Variants in SHANK1 observed in about 807,000 individuals in gnomAD.
SHANK1 encodes the protein SH3 and multiple ankyrin repeat domains protein 1.
Under a neutral mutation model 165.6 loss-of-function variants are expected in SHANK1, and 35 were observed. That is an observed-to-expected ratio of 0.21 (90% CI 0.16 to 0.28). The LOEUF (loss-of-function observed/expected upper bound fraction) is 0.28, where lower values mean the gene tolerates loss of function less well. Ranked by LOEUF, SHANK1 falls within the 10% of genes least tolerant of loss-of-function variation. The pLI is 1.00. For synonymous variants in SHANK1, 1,428 were observed against 1,384.8 expected (o/e 1.03, Z -0.69); for missense variants, 2,681 against 3,036.4 (o/e 0.88, Z 2.75).
Position 50,688,053 on chromosome 19 carries a change from G to A in SHANK1, c.2178C>T (p.Asn726=), listed in dbSNP as rs770675711. ...GGCCGACCTTCACCACATTCTGCCC[G>A]TTCACCTGTGGCACAGACACCCCCA... The part of the protein sequence containing the change: ...LRMGDFLIEV[N]GQNVVKVGHR... Residue 726 remains asparagine (N), a synonymous_variant, in exon 18 of 24, where the codon AAC becomes AAT. Transcript: ENST00000293441. This position sits in a 1 kb window ranked among gnomAD's most constrained non-coding sequence, Gnocchi z 6.7. 36 of 1,613,820 alleles carry A rather than the reference G, an allele frequency of 2.2e-5. No homozygotes were observed. Among genetic ancestry groups the A allele is most frequent in the Middle Eastern group, 1.6e-4 (1 of 6,082 alleles).
Position 50,713,782 on chromosome 19 carries a change from G to A in SHANK1, c.792+16C>T, listed in dbSNP as rs775859815. On this transcript the variant is annotated intron_variant, in intron 6 of 23. Transcript: ENST00000293441. This position sits in a 1 kb window ranked among gnomAD's most constrained non-coding sequence, Gnocchi z 6.2. ...GAGGGCCCCATGGCGGGGATGGGGG[G>A]TCCCCGAAGCCTCACCGTGAGTGCC... 6.2e-6 allele frequency: 10 copies of A among 1,610,812 alleles called. No individual in the cohort carries two copies. Among genetic ancestry groups the A allele is most frequent in the African/African-American group, 1.3e-5 (1 of 74,812 alleles).
rs928518446 is a variant in SHANK1, at chr19:50,666,515, C to T, written c.5445G>A (p.Pro1815=). The T allele has an allele frequency of 1.0e-5, 16 of 1,583,488 alleles. No homozygotes were observed. Among genetic ancestry groups the T allele is most frequent in the South Asian group, 2.3e-5 (2 of 88,268 alleles). ...GPPTAGVAGG[P]VAVEPEVPPV... is the part of the protein sequence containing the mutation. Reference sequence around the variant, plus strand: ...GTGGGACTTCTGGCTCTACAGCCACCGGACCCCCCGCCACGCCTGCCGTGG... The same window carrying T: ...GTGGGACTTCTGGCTCTACAGCCACTGGACCCCCCGCCACGCCTGCCGTGG... Residue 1815 remains proline, a synonymous_variant, in exon 23 of 24, where the codon CCG becomes CCA. Coordinates refer to ENST00000293441, the MANE Select transcript of SHANK1 (RefSeq NM_016148.5).
chr19:50,713,199 A>G lies in SHANK1; in HGVS notation c.792+599T>C, dbSNP rs966315749. 2.6e-5 allele frequency among the ~76,000 whole-genome samples: 4 copies of G among 152,142 alleles called. No individual in the cohort carries two copies. The highest frequency in any genetic ancestry group is 5.9e-5 in the Non-Finnish European group (4 of 68,016). Reference sequence around the variant, plus strand: ...CCTGACCCTCATGTGAAGAGCAATCAGGTGTCCTGGCGGGGGCAGGGGGAG... The same window carrying G: ...CCTGACCCTCATGTGAAGAGCAATCGGGTGTCCTGGCGGGGGCAGGGGGAG... On this transcript the variant is annotated intron_variant, in intron 6 of 23. Transcript: ENST00000293441. This position sits in a 1 kb window ranked among gnomAD's most constrained non-coding sequence, Gnocchi z 6.2.
chr19:50,704,817 TAA>T (rs1172921140), intron 8 of SHANK1, among the ~76,000 whole-genome samples: 1 of 150,568 alleles, frequency 6.6e-6, no homozygotes, highest in Non-Finnish European at 1.5e-5. Flanking sequence ...CCTGTAATCC[TAA>T]GACTGTGGGA....
intron 8 of SHANK1, chr19:50,711,117 A>G (rs2089003163): frequency 2.0e-6 from 1 of 489,856 alleles, no homozygotes; most frequent in African/African-American, 1.9e-5. Context: ...CTAGGCCATG[A>G]GCTCAACACT....
intron 21 of SHANK1, among the ~76,000 whole-genome samples, chr19:50,684,087 G>A (rs996410938): frequency 9.8e-5 from 15 of 152,310 alleles, no homozygotes; most frequent in African/African-American, 3.6e-4. Flanking sequence ...CTTAAAGCTG[G>A]TTGTGAAGAA....
At chr19:50,665,836 C>T (rs1308583785) in intron 23 of SHANK1, among the ~76,000 whole-genome samples, 2 of 150,036 alleles carry the variant, frequency 1.3e-5, no homozygotes, top group Non-Finnish European at 3.0e-5. Flanking sequence ...GAGTTCGAGA[C>T]CAGCCTGACC....
chr19:50,714,690 CAAA>C lies in SHANK1; in HGVS notation c.532-403_532-401del, dbSNP rs67938945. On this transcript the variant is annotated intron_variant, in intron 4 of 23. Transcript: ENST00000293441. The stretch of plus-strand genomic sequence containing the variant: ...CGGGTGACAGAGCAAGACCCCGTCT[CAAA>C]AAAAAAAAAAAAAAAAATCAGGGTG... 5.3e-3 allele frequency among the ~76,000 whole-genome samples: 551 copies of C among 103,070 alleles called. 4 individuals are homozygous for C. The highest frequency in any genetic ancestry group is 0.018 in the African/African-American group (525 of 29,490). 67.6% of individuals were successfully genotyped at this position (103,070 alleles called of 152,430 possible).
In SHANK1 at chr19:50,662,230, C is replaced by G. The variant is rs759453731; in HGVS notation, c.6221G>C (p.Arg2074Pro). 6.2e-7 allele frequency: 1 copy of G among 1,609,470 alleles called. No homozygotes were observed. Among genetic ancestry groups the G allele is most frequent in the Non-Finnish European group, 8.5e-7 (1 of 1,177,204 alleles). ...GLGGALSGAS[R>P]SLSPTRLLSL... ...GAGCAGGCGGGTCGGTGAGAGGGAG[C>G]GCGAGGCCCCTGACAAGGCTCCCCC... is the stretch of plus-strand genomic sequence containing the variant. Residue 2074 changes from arginine to proline, a missense_variant, in exon 24 of 24, where the codon CGC (arginine) becomes CCC (proline). Physicochemically the swap from Arg to Pro is moderately radical, Grantham distance 103. Around this residue, in one of 10 missense-constraint regions of SHANK1, gnomAD observed 1,713 missense variants for 1,630.2 expected, o/e 1.05. Transcript: ENST00000293441. The surrounding 1 kb of genome is among the most constrained non-coding windows in gnomAD (Gnocchi z 7.7).
chr19:50,717,628 AG>A lies in SHANK1; in HGVS notation c.-43-667del, dbSNP rs2089084991. Among the ~76,000 whole-genome samples, 2 of 152,190 alleles carry A rather than the reference AG, an allele frequency of 1.3e-5. No homozygotes were observed. The highest frequency in any genetic ancestry group is 2.9e-5 in the Non-Finnish European group (2 of 68,034). On this transcript the variant is annotated intron_variant, in intron 1 of 23. Coordinates refer to ENST00000293441, the MANE Select transcript of SHANK1 (RefSeq NM_016148.5). This position sits in a 1 kb window ranked among gnomAD's most constrained non-coding sequence, Gnocchi z 5.5. ...GAGCATTTGGCCTAGGGTGTCCCCAAGGGAACCACAAGAGGTGGCTTTTGGA... is the reference window on the plus strand; with the variant it reads ...GAGCATTTGGCCTAGGGTGTCCCCAAGGAACCACAAGAGGTGGCTTTTGGA...
chr19:50,697,791 T>C lies in SHANK1; in HGVS notation c.1861+52A>G. ...CACCCCCATTAGGAAGGGAAAGGAG[T>C]GGACGTGGGAATCCTAGGGTCCATT... On this transcript the variant is annotated intron_variant, in intron 13 of 23. Transcript: ENST00000293441. This position sits in a 1 kb window ranked among gnomAD's most constrained non-coding sequence, Gnocchi z 4.7. The C allele has an allele frequency of 6.5e-7, 1 of 1,538,134 alleles. No homozygotes were observed.
At chr19:50,676,167 G>T (rs1356194855) in intron 21 of SHANK1, among the ~76,000 whole-genome samples, 2 of 151,450 alleles carry the variant, frequency 1.3e-5, no homozygotes, top group African/African-American at 4.9e-5. Context: ...GTGGTGCATG[G>T]TGGCATGTGC....
Position 50,719,603 on chromosome 19 carries a change from G to T in SHANK1, c.-241C>A, listed in dbSNP as rs2123216247. 6.8e-6 allele frequency among the ~76,000 whole-genome samples: 1 copy of T among 146,864 alleles called. No homozygotes were observed. Among genetic ancestry groups the T allele is most frequent in the Admixed American group, 6.7e-5 (1 of 14,894 alleles). ...GAGGACCTCACCCCCCCCGCGGGCC[G>T]GGCCTGGCCATCCGCAGAGCGCCCC... On this transcript the variant is annotated 5_prime_UTR_variant, in exon 1 of 24. Transcript: ENST00000293441.
Position 50,662,778 on chromosome 19 carries a change from G to A in SHANK1, c.5769-96C>T, listed in dbSNP as rs572940950. 11 of 1,370,496 alleles carry A rather than the reference G, an allele frequency of 8.0e-6. No individual in the cohort carries two copies. The highest frequency in any genetic ancestry group is 3.0e-6 in the Non-Finnish European group (3 of 993,188). 84.9% of individuals were successfully genotyped at this position (1,370,496 alleles called of 1,614,324 possible). A position where few individuals can be genotyped will look rare whatever the true frequency, so the allele number is the denominator to read the frequency against. Reference sequence around the variant, plus strand: ...CAGAGGTCAAGATATAGGGAGAGAGGAGGAGAGACATAAGGGTAGGGGGAG... The same window carrying A: ...CAGAGGTCAAGATATAGGGAGAGAGAAGGAGAGACATAAGGGTAGGGGGAG... On this transcript the variant is annotated intron_variant, in intron 23 of 23. Transcript: ENST00000293441. This position sits in a 1 kb window ranked among gnomAD's most constrained non-coding sequence, Gnocchi z 7.7.
rs2089075009 is a variant in SHANK1, at chr19:50,716,794, GCCCCGGGTC to G, written c.117_125del (p.Thr40_Gly42del). ...GGCTACCAGGTGCCCCACTGCCCTG[GCCCCGGGTC>G]CCCCGGGGGCCTCGACCTGGCCCGT... is the stretch of plus-strand genomic sequence containing the variant. On this transcript the variant is annotated inframe_deletion, in exon 2 of 24. Coordinates refer to ENST00000293441, the MANE Select transcript of SHANK1 (RefSeq NM_016148.5). This position sits in a 1 kb window ranked among gnomAD's most constrained non-coding sequence, Gnocchi z 8.4. The G allele has an allele frequency of 6.3e-7, 1 of 1,597,978 alleles. No homozygotes were observed. The highest frequency in any genetic ancestry group is 8.5e-7 in the Non-Finnish European group (1 of 1,173,718).
At chr19:50,706,317 G>A (rs2088938423) in intron 8 of SHANK1, among the ~76,000 whole-genome samples, 1 of 152,114 alleles carries the variant, frequency 6.6e-6, no homozygotes, top group Non-Finnish European at 1.5e-5. Context: ...GGAAAGGGTG[G>A]GGGCAGGACT....
Position 50,688,076 on chromosome 19 carries a change from C to T in SHANK1, c.2173-18G>A, listed in dbSNP as rs1046072434. 4.3e-6 allele frequency: 7 copies of T among 1,613,618 alleles called. No individual in the cohort carries two copies. The highest frequency in any genetic ancestry group is 5.9e-6 in the Non-Finnish European group (7 of 1,179,938). ...CCGTTCACCTGTGGCACAGACACCC[C>T]CAGATCACACAGAGTAGACGAGGGG... On this transcript the variant is annotated intron_variant, in intron 17 of 23. Transcript: ENST00000293441. This position sits in a 1 kb window ranked among gnomAD's most constrained non-coding sequence, Gnocchi z 6.7.
chr19:50,717,553 T>C lies in SHANK1; in HGVS notation c.-43-591A>G, dbSNP rs1292915537. 1.3e-5 allele frequency among the ~76,000 whole-genome samples: 2 copies of C among 152,064 alleles called. No individual in the cohort carries two copies. Among genetic ancestry groups the C allele is most frequent in the Non-Finnish European group, 2.9e-5 (2 of 68,016 alleles). ...TGGCATGCCGAATAGTGCTGGGGAA[T>C]CTGCCGTCCCAGGGGAGCAAGGGGC... On this transcript the variant is annotated intron_variant, in intron 1 of 23. Coordinates refer to ENST00000293441, the MANE Select transcript of SHANK1 (RefSeq NM_016148.5). This position sits in a 1 kb window ranked among gnomAD's most constrained non-coding sequence, Gnocchi z 5.5.
At chr19:50,708,512 C>T (rs2088972040) in intron 8 of SHANK1, among the ~76,000 whole-genome samples, 1 of 151,856 alleles carries the variant, frequency 6.6e-6, no homozygotes, top group African/African-American at 2.4e-5. Flanking sequence ...CCTCGCCCTC[C>T]CCAGGCCAGA....
Sources: allele counts gnomAD v4.1 joint callset (sites outside exome capture counted in the v4.1 genomes callset), GRCh38; gene constraint gnomAD v4.1.1; regional missense constraint gnomAD v4.1.1; non-coding constraint Gnocchi (gnomAD v3.1); transcripts MANE v1.5; gene names NCBI Gene and HGNC (gene_info 2026-07-23, HGNC 2026-07-21).